ADGRV1: variants seen among roughly 807,000 people sequenced by gnomAD.
The protein encoded by ADGRV1 is G-protein coupled receptor 98.
In ADGRV1, 359 loss-of-function variants were observed where a neutral mutation model predicts 596.2. That is an observed-to-expected ratio of 0.60 (90% CI 0.55 to 0.66). The LOEUF is 0.66. Ranked by LOEUF, ADGRV1 falls within the 30% of genes least tolerant of loss-of-function variation. The pLI is 0.00. For synonymous variants in ADGRV1, 2,681 were observed against 2,679.2 expected (o/e 1.00, Z -0.02); for missense variants, 7,274 against 7,575.6 (o/e 0.96, Z 1.48).
At chr5:90,799,971 A>T (rs1386473772) in intron 70 of ADGRV1, among the ~76,000 whole-genome samples, 2 of 152,230 alleles carry the variant, frequency 1.3e-5, no homozygotes, top group Non-Finnish European at 2.9e-5. Context: ...AAACCATAAA[A>T]ATCCTAGAAG....
chr5:90,739,067 G>A (rs1753620912), intron 50 of ADGRV1, among the ~76,000 whole-genome samples: 1 of 151,540 alleles, frequency 6.6e-6, no homozygotes, highest in Non-Finnish European at 1.5e-5. Flanking sequence ...TCTTCTGCTT[G>A]ATCAAGTCTG....
chr5:91,062,185 CT>C lies in ADGRV1; in HGVS notation c.18153-10259del, dbSNP rs368170859. Among the ~76,000 whole-genome samples the C allele has an allele frequency of 4.4e-3, 668 of 152,312 alleles. 12 individuals are homozygous for C. Among genetic ancestry groups the C allele is most frequent in the African/African-American group, 0.015 (612 of 41,558 alleles). On this transcript the variant is annotated intron_variant, in intron 85 of 89. Transcript: ENST00000405460. ...CCCTTTTCTCTTGCTTCCTCTTCCC[CT>C]TTCTCTGTTCATTTATTCTGAAGAT...
At chr5:90,682,725 T>G (rs1308204664) in intron 27 of ADGRV1, among the ~76,000 whole-genome samples, 1 of 152,230 alleles carries the variant, frequency 6.6e-6, no homozygotes, top group African/African-American at 2.4e-5. Context: ...TCAACTTTTA[T>G]AAAATTACTG....
rs576708435 is a variant in ADGRV1 at position 90,728,760 on chromosome 5, C to T, written c.10253C>T (p.Ser3418Phe). 7.2e-5 allele frequency: 116 copies of T among 1,613,932 alleles called. 1 individual carries two copies. The South Asian group carries it at 1.3e-3, about 17-fold the overall frequency. Residue 3418 changes from serine to phenylalanine, a missense_variant, in exon 49 of 90, where the codon TCT becomes TTT. This residue lies in a region of ADGRV1 where 3,643 missense variants were observed against 3,809.2 expected (regional missense o/e 0.96). Transcript: ENST00000405460. ...GTGGCCTTGTTCAACAAGGGAGGCT[C>T]TGTGTTCTTAGCCATTTCCCAGGCT... ...LTVALFNKGG[S>F]VFLAISQANA...
At chr5:90,951,676 A>G (rs1029756502) in intron 83 of ADGRV1, among the ~76,000 whole-genome samples, 7 of 152,184 alleles carry the variant, frequency 4.6e-5, no homozygotes, top group Middle Eastern at 3.2e-3. Flanking sequence ...TAAATTTTAA[A>G]TCATAGGTTT....
intron 42 of ADGRV1, among the ~76,000 whole-genome samples, chr5:90,715,863 A>G (rs1216986698): frequency 6.6e-6 from 1 of 152,186 alleles, no homozygotes; most frequent in Middle Eastern, 3.2e-3. Context: ...TGTGAGAATT[A>G]AAAGAGTTAA....
intron 50 of ADGRV1, among the ~76,000 whole-genome samples, chr5:90,733,764 CACTT>C (rs1412699510): frequency 2.6e-5 from 4 of 152,078 alleles, no homozygotes; most frequent in Admixed American, 6.6e-5. Flanking sequence ...ACATATCCAT[CACTT>C]ACTTAACATT....
chr5:90,991,637 C>T (rs1780976501), intron 85 of ADGRV1, among the ~76,000 whole-genome samples: 1 of 152,118 alleles, frequency 6.6e-6, no homozygotes, highest in Non-Finnish European at 1.5e-5. Flanking sequence ...TTTAGATACA[C>T]TAAACAAATC....
At chr5:90,759,611 A>C in intron 58 of ADGRV1, 23 bp downstream of exon 58, 1 of 1,600,124 alleles carries the variant, frequency 6.2e-7, no homozygotes, top group Non-Finnish European at 8.6e-7. Flanking sequence ...TATCAGGGGA[A>C]AGCCTTGTTT....
intron 60 of ADGRV1, among the ~76,000 whole-genome samples, chr5:90,775,806 C>G (rs1297423677): frequency 6.6e-6 from 1 of 152,092 alleles, no homozygotes; most frequent in Non-Finnish European, 1.5e-5. Context: ...GACTGTGACA[C>G]TTGCTGTGAC....
chr5:90,774,169 T>G lies in ADGRV1; in HGVS notation c.12286-17T>G, dbSNP rs1025801294. The G allele has an allele frequency of 1.7e-5, 24 of 1,451,414 alleles. No homozygotes were observed. Among genetic ancestry groups the G allele is most frequent in the Non-Finnish European group, 2.2e-5 (23 of 1,044,752 alleles). The allele number at this position is 1,451,414 out of a possible 1,614,324, so 89.9% of individuals were successfully genotyped here. A position where few individuals can be genotyped will look rare whatever the true frequency, so the allele number is the denominator to read the frequency against. On this transcript the variant is annotated splice_polypyrimidine_tract_variant and intron_variant, in intron 59 of 89. Coordinates refer to ENST00000405460, the MANE Select transcript of ADGRV1 (RefSeq NM_032119.4). The stretch of plus-strand genomic sequence containing the variant: ...TGGTCAATCTGGAAAATGCACTGTT[T>G]CTGTCATTGGATGTAGACTGAGTCC...
intron 11 of ADGRV1, 129 bp from the exon 12 acceptor site, chr5:90,642,507 T>G (rs960695535): frequency 1.3e-4 from 122 of 909,274 alleles, no homozygotes; most frequent in Non-Finnish European, 1.3e-4. Flanking sequence ...TGAATTCACT[T>G]AAGGTCTAAT....
chr5:90,800,780 G>A (rs1023985499), intron 70 of ADGRV1, among the ~76,000 whole-genome samples: 3 of 152,162 alleles, frequency 2.0e-5, no homozygotes, highest in Non-Finnish European at 4.4e-5. Flanking sequence ...CAGGGTCATG[G>A]ATGAAGCTGG....
At position 90,763,304 on chromosome 5, in the gene ADGRV1, G is replaced by T; in HGVS notation, c.12121-1G>T. 6.5e-7 allele frequency: 1 copy of T among 1,537,950 alleles called. No individual in the cohort carries two copies. The highest frequency in any genetic ancestry group is 1.3e-5 in the South Asian group (1 of 78,010). On this transcript the variant is annotated splice_acceptor_variant, in intron 58 of 89. Transcript: ENST00000405460. LOFTEE classifies it high-confidence loss of function. ...GGCCTTACTGAATTTTCTTCTTTCA[G>T]GTAATGATTGATGAATCCCTTTCAT...
intron 89 of ADGRV1, among the ~76,000 whole-genome samples, chr5:91,160,833 T>A (rs1018649317): frequency 6.6e-6 from 1 of 152,174 alleles, no homozygotes; most frequent in African/African-American, 2.4e-5. Flanking sequence ...ATCTGGATAT[T>A]TGTGCATTTC....
intron 73 of ADGRV1, 146 bp downstream of exon 73, chr5:90,807,883 C>A: frequency 1.5e-6 from 1 of 682,104 alleles, no homozygotes; most frequent in Non-Finnish European, 2.2e-6. Context: ...GGCGTGCATG[C>A]TGGAGAGGGA....
intron 1 of ADGRV1, among the ~76,000 whole-genome samples, chr5:90,589,867 A>G (rs1454575973): frequency 1.3e-5 from 2 of 152,154 alleles, no homozygotes; most frequent in African/African-American, 4.8e-5. Context: ...AGAAAAGCAC[A>G]AAGAAACACC....
At chr5:90,654,471 T>C (rs1354538758) in intron 20 of ADGRV1, 1 of 171,732 alleles carries the variant, frequency 5.8e-6, no homozygotes, top group African/African-American at 2.4e-5. Context: ...AGCAGGTAAC[T>C]TGGTGAATTC....
chr5:91,021,511 G>A (rs961841723), intron 85 of ADGRV1, among the ~76,000 whole-genome samples: 1 of 152,046 alleles, frequency 6.6e-6, no homozygotes, highest in South Asian at 2.1e-4. Context: ...TAATTTCTGT[G>A]CCCATAAAAG....
Sources: allele counts gnomAD v4.1 joint callset (sites outside exome capture counted in the v4.1 genomes callset), GRCh38; gene constraint gnomAD v4.1.1; regional missense constraint gnomAD v4.1.1; transcripts MANE v1.5; gene names NCBI Gene and HGNC (gene_info 2026-07-23, HGNC 2026-07-21).